Variants in COL5A1 observed in about 807,000 individuals in gnomAD.
The protein encoded by COL5A1 is collagen alpha-1(V) chain.
In COL5A1, 16 loss-of-function variants were observed where a neutral mutation model predicts 263.7. The observed-to-expected ratio is 0.06, with a 90% confidence interval of 0.04 to 0.09. The LOEUF is 0.09. Among genes scored for constraint, COL5A1 ranks in the 10% least tolerant of loss-of-function variants. The pLI is 1.00. For synonymous variants in COL5A1, 1,012 were observed against 1,004.5 expected, an observed-to-expected ratio of 1.01 and a Z score of -0.14; for missense variants, 2,036 against 2,540.5, an observed-to-expected ratio of 0.80 and a Z score of 4.27.
intron 44 of COL5A1, among the ~76,000 whole-genome samples, chr9:134,810,626 G>A (rs1838488730): frequency 6.6e-6 from 1 of 152,246 alleles, no homozygotes; most frequent in Non-Finnish European, 1.5e-5. Flanking sequence ...GAGGGAACCA[G>A]AATGCTCCGG....
At chr9:134,830,683 C>T (rs1241443491) in intron 64 of COL5A1, among the ~76,000 whole-genome samples, 1 of 152,336 alleles carries the variant, frequency 6.6e-6, no homozygotes, top group Non-Finnish European at 1.5e-5. Flanking sequence ...TTACACTGCA[C>T]ACCACTGTAC....
At chr9:134,714,373 G>A (rs1834171809) in intron 4 of COL5A1, among the ~76,000 whole-genome samples, 1 of 150,520 alleles carries the variant, frequency 6.6e-6, no homozygotes, top group East Asian at 2.0e-4. Flanking sequence ...TGGTGGTAAT[G>A]GTCATGATGG....
At position 134,727,191 on chromosome 9, in the gene COL5A1, A is replaced by T. The variant is rs1834694727; in HGVS notation, c.655-75A>T. On this transcript the variant is annotated intron_variant, in intron 4 of 65. Transcript: ENST00000371817. The stretch of plus-strand genomic sequence containing the variant: ...TCTGGACTTTCCCCTGCTTCAAGGC[A>T]TGGGGCTGTGTCTCCCAGGTCCCCA... 8 of 1,514,972 alleles carry T rather than the reference A, an allele frequency of 5.3e-6. No homozygotes were observed. In the East Asian group the frequency reaches 1.8e-4, roughly 34 times the overall value. 93.8% of individuals were successfully genotyped at this position (1,514,972 alleles called of 1,614,324 possible). A position where few individuals can be genotyped will look rare whatever the true frequency, so the allele number is the denominator to read the frequency against.
chr9:134,822,483 G>A (rs954059964), intron 59 of COL5A1, among the ~76,000 whole-genome samples: 1 of 152,270 alleles, frequency 6.6e-6, no homozygotes, highest in East Asian at 1.9e-4. Flanking sequence ...CCAGGAGCCC[G>A]GCCAGCCTGG....
rs1836029451 is a variant in COL5A1, at chr9:134,757,618, T to C, written c.1882-625T>C. On this transcript the variant is annotated intron_variant, in intron 17 of 65. Transcript: ENST00000371817. The surrounding 1 kb of genome is among the most constrained non-coding windows in gnomAD (Gnocchi z 6.2). ...CAGGAGGAAACGCAGTCTTGTTGAC[T>C]CTGTCTCAGAAGACCATGGTCTTCT... is the stretch of plus-strand genomic sequence containing the variant. Among the ~76,000 whole-genome samples the C allele has an allele frequency of 6.6e-6, 1 of 152,178 alleles. No homozygotes were observed. Among genetic ancestry groups the C allele is most frequent in the Non-Finnish European group, 1.5e-5 (1 of 68,038 alleles).
At position 134,842,393 on chromosome 9, in the gene COL5A1, C is replaced by A; in HGVS notation, c.*90C>A. 1 of 1,479,012 alleles carries A rather than the reference C, an allele frequency of 6.8e-7. No homozygotes were observed. The highest frequency in any genetic ancestry group is 9.3e-7 in the Non-Finnish European group (1 of 1,078,348). The allele number at this position is 1,479,012 out of a possible 1,614,324, so 91.6% of individuals were successfully genotyped here. ...GTCCCGTGCACGTCCTGACCCTGGACAGTGAAGGCTTCTCCCTCCCCTCCC... is the reference window on the plus strand; with the variant it reads ...GTCCCGTGCACGTCCTGACCCTGGAAAGTGAAGGCTTCTCCCTCCCCTCCC... On this transcript the variant is annotated 3_prime_UTR_variant, in exon 66 of 66. Transcript: ENST00000371817. This position sits in a 1 kb window ranked among gnomAD's most constrained non-coding sequence, Gnocchi z 5.8.
At chr9:134,659,275 G>A (rs1832127243) in intron 1 of COL5A1, among the ~76,000 whole-genome samples, 1 of 152,190 alleles carries the variant, frequency 6.6e-6, no homozygotes, top group South Asian at 2.1e-4. Context: ...TGTAATCCCA[G>A]CTACTTGGGA....
rs1030294520 is a variant in COL5A1, at chr9:134,694,808, C to T, written c.277+3729C>T. Reference sequence around the variant, plus strand: ...TCCTTCCCAGTGGGGTCCCAGGCCTCGGTCCCCTGTGTCTGCAGTGCAGAC... The same window carrying T: ...TCCTTCCCAGTGGGGTCCCAGGCCTTGGTCCCCTGTGTCTGCAGTGCAGAC... On this transcript the variant is annotated intron_variant, in intron 2 of 65. Coordinates refer to ENST00000371817, the MANE Select transcript of COL5A1 (RefSeq NM_000093.5). 1.4e-4 allele frequency among the ~76,000 whole-genome samples: 21 copies of T among 152,138 alleles called. 1 individual carries two copies. Among genetic ancestry groups the T allele is most frequent in the East Asian group, 3.9e-4 (2 of 5,176 alleles).
rs59916977 is a variant in COL5A1 at position 134,794,322 on chromosome 9, TA to T, written c.2701-745del. 0.39 allele frequency among the ~76,000 whole-genome samples: 55,298 copies of T among 140,766 alleles called. 10,443 individuals carry two copies. Among genetic ancestry groups the T allele is most frequent in the East Asian group, 0.62 (3,038 of 4,930 alleles). The allele number at this position is 140,766 out of a possible 152,430, so 92.3% of individuals were successfully genotyped here. A position where few individuals can be genotyped will look rare whatever the true frequency, so the allele number is the denominator to read the frequency against. ...CCTGGCGGCAGAGCAAGACTCTGTC[TA>T]AAAAAAAAAAAAAAGAAACAAAAAA... On this transcript the variant is annotated intron_variant, in intron 32 of 65. Coordinates refer to ENST00000371817, the MANE Select transcript of COL5A1 (RefSeq NM_000093.5). This position sits in a 1 kb window ranked among gnomAD's most constrained non-coding sequence, Gnocchi z 4.3.
At position 134,677,229 on chromosome 9, in the gene COL5A1, G is replaced by T. The variant is rs973347798; in HGVS notation, c.110-13683G>T. The stretch of plus-strand genomic sequence containing the variant: ...AGAATAACTTACTTGAGAGTGGGAA[G>T]CCTGAAAGTCCAGCCTTTTTATCCA... On this transcript the variant is annotated intron_variant, in intron 1 of 65. Coordinates refer to ENST00000371817, the MANE Select transcript of COL5A1 (RefSeq NM_000093.5). The surrounding 1 kb of genome is among the most constrained non-coding windows in gnomAD (Gnocchi z 4.4). Among the ~76,000 whole-genome samples, 3 of 152,112 alleles carry T rather than the reference G, an allele frequency of 2.0e-5. No individual in the cohort carries two copies. The highest frequency in any genetic ancestry group is 2.9e-5 in the Non-Finnish European group (2 of 68,022).
intron 4 of COL5A1, among the ~76,000 whole-genome samples, chr9:134,705,913 G>C (rs1018830645): frequency 6.6e-6 from 1 of 152,248 alleles, no homozygotes; most frequent in South Asian, 2.1e-4. Context: ...GAAAGAACTG[G>C]CTGAGGGTCC....
rs116851986 is a variant in COL5A1, at chr9:134,760,158, C to G, written c.1936-1767C>G. Among the ~76,000 whole-genome samples the G allele has an allele frequency of 0.011, 1,396 of 130,798 alleles. 1 individual carries two copies. In the East Asian group the frequency reaches 0.15, roughly 14 times the overall value. 85.8% of individuals were successfully genotyped at this position (130,798 alleles called of 152,430 possible). On this transcript the variant is annotated intron_variant, in intron 18 of 65. Coordinates refer to ENST00000371817, the MANE Select transcript of COL5A1 (RefSeq NM_000093.5). The stretch of plus-strand genomic sequence containing the variant: ...CTCACATGTGCAGACACCACACATG[C>G]ACACACATACATGCACACACACATA...
chr9:134,769,017 GCGTGCGTGCACA>G (rs1836781257), intron 25 of COL5A1, among the ~76,000 whole-genome samples: 2 of 152,226 alleles, frequency 1.3e-5, no homozygotes, highest in African/African-American at 4.8e-5. Context: ...CAGAATGCGT[GCGTGCGTGCACA>G]CGTGCGTGTA....
At chr9:134,688,985 TG>T (rs201890793) in intron 1 of COL5A1, among the ~76,000 whole-genome samples, 16,780 of 149,238 alleles carry the variant, frequency 0.11, 1,185 homozygotes, top group Admixed American at 0.17. Context: ...ATGGCGGGGG[TG>T]GGGGTGGCAC....
chr9:134,810,497 G>A, intron 44 of COL5A1, 189 bp downstream of exon 44: 1 of 601,856 alleles, frequency 1.7e-6, no homozygotes, highest in Middle Eastern at 4.5e-4. Flanking sequence ...ATCTGGGAGT[G>A]AGTCTCTCTG....
chr9:134,818,220 C>T lies in COL5A1; in HGVS notation c.4230+389C>T, dbSNP rs965507298. 4.6e-5 allele frequency among the ~76,000 whole-genome samples: 7 copies of T among 152,202 alleles called. No homozygotes were observed. Among genetic ancestry groups the T allele is most frequent in the East Asian group, 1.9e-4 (1 of 5,190 alleles). ...TGGTGACCGTGTCTGCTGCGGGGCC[C>T]GTGCAGAAGATGGGACGCCGTCACC... On this transcript the variant is annotated intron_variant, in intron 54 of 65. Coordinates refer to ENST00000371817, the MANE Select transcript of COL5A1 (RefSeq NM_000093.5). The surrounding 1 kb of genome is among the most constrained non-coding windows in gnomAD (Gnocchi z 6.0).
At chr9:134,839,553 G>A (rs560650346) in intron 65 of COL5A1, among the ~76,000 whole-genome samples, 11 of 152,282 alleles carry the variant, frequency 7.2e-5, no homozygotes, top group East Asian at 1.9e-4. Flanking sequence ...GCCGGGCAGC[G>A]CCCTGCTGGC....
chr9:134,685,267 AAGTCATCC>A (rs1564386160), intron 1 of COL5A1, among the ~76,000 whole-genome samples: 1 of 9,680 alleles, frequency 1.0e-4, no homozygotes, highest in African/African-American at 3.2e-4. Context: ...TCCATCCATT[AAGTCATCC>A]ATCCATCCAT....
intron 1 of COL5A1, among the ~76,000 whole-genome samples, chr9:134,672,067 C>A (rs2132515418): frequency 6.6e-6 from 1 of 152,348 alleles, no homozygotes; most frequent in Non-Finnish European, 1.5e-5. Context: ...TTTATAAAGG[C>A]CAGTTAAAAA....
Sources: gnomAD v4.1 joint callset for allele counts (sites outside exome capture counted in the v4.1 genomes callset) on GRCh38, gnomAD v4.1.1 for gene constraint, Gnocchi (gnomAD v3.1) non-coding constraint, MANE v1.5 for transcripts, NCBI Gene and HGNC (gene_info 2026-07-23, HGNC 2026-07-21) for gene names.